PPP2R5E: variants seen among roughly 807,000 people sequenced by gnomAD.
The protein encoded by PPP2R5E is protein phosphatase 2 regulatory subunit B'epsilon, also known as serine/threonine-protein phosphatase 2A 56 kDa regulatory subunit epsilon isoform.
A neutral mutation model predicts 65.3 loss-of-function variants in PPP2R5E; 4 were observed. That is an observed-to-expected ratio of 0.06 (90% CI 0.03 to 0.14). The LOEUF is 0.14. Ranked by LOEUF, PPP2R5E falls within the 10% of genes least tolerant of loss-of-function variation. The pLI is 1.00. For missense variants in PPP2R5E, 274 were observed against 556.1 expected (o/e 0.49, Z 5.10); for synonymous variants, 183 against 187.4 (o/e 0.98, Z 0.19).
chr14:63,451,935 A>C (rs186734623), intron 3 of PPP2R5E: 1 of 152,338 alleles, frequency 6.6e-6, no homozygotes, highest in African/African-American at 2.4e-5. Context: ...GTCCTCATAC[A>C]AAGGCAAACT....
chr14:63,509,360 T>C (rs1202314467), intron 2 of PPP2R5E, among the ~76,000 whole-genome samples: 1 of 149,148 alleles, frequency 6.7e-6, no homozygotes, highest in Non-Finnish European at 1.5e-5. Context: ...CTGCAACTTC[T>C]GCCTCCAGGT....
chr14:63,472,687 G>C (rs1465244008), intron 2 of PPP2R5E, among the ~76,000 whole-genome samples: 1 of 152,234 alleles, frequency 6.6e-6, no homozygotes, highest in Non-Finnish European at 1.5e-5. Flanking sequence ...AGATATTTTA[G>C]ACAAGAACAG....
chr14:63,529,105 G>A (rs779131107), intron 2 of PPP2R5E, among the ~76,000 whole-genome samples: 16 of 152,072 alleles, frequency 1.1e-4, no homozygotes, highest in Non-Finnish European at 1.8e-4. Flanking sequence ...AGACACAGGT[G>A]CATGCTACCA....
chr14:63,420,165 G>A (rs183023866), intron 4 of PPP2R5E, among the ~76,000 whole-genome samples: 2 of 152,282 alleles, frequency 1.3e-5, no homozygotes, highest in East Asian at 3.9e-4. Context: ...TTCGAATACA[G>A]AGAAGACAAT....
intron 3 of PPP2R5E, 144 bp downstream of exon 3, chr14:63,453,545 T>A: frequency 1.5e-6 from 1 of 679,762 alleles, no homozygotes; most frequent in Non-Finnish European, 2.4e-6. Flanking sequence ...TCTAGCACTG[T>A]GCCGACTACA....
intron 2 of PPP2R5E, among the ~76,000 whole-genome samples, chr14:63,538,914 ACT>A (rs1233623913): frequency 6.6e-6 from 1 of 151,966 alleles, no homozygotes; most frequent in Non-Finnish European, 1.5e-5. Flanking sequence ...ACAGAGGGAG[ACT>A]CTATCTCAAA....
chr14:63,462,059 C>G lies in PPP2R5E; in HGVS notation c.158-8174G>C, dbSNP rs543875504. 1.3e-3 allele frequency among the ~76,000 whole-genome samples: 193 copies of G among 147,902 alleles called. 1 individual carries two copies. Among genetic ancestry groups the G allele is most frequent in the African/African-American group, 4.8e-3 (185 of 38,656 alleles). On this transcript the variant is annotated intron_variant, in intron 2 of 13. Transcript: ENST00000337537. Reference sequence around the variant, plus strand: ...CAGAATTCTAGCTGTAATGACAGTACCGATTTCAACTGTATTTTTTTTTTT... The same window carrying G: ...CAGAATTCTAGCTGTAATGACAGTAGCGATTTCAACTGTATTTTTTTTTTT...
intron 2 of PPP2R5E, among the ~76,000 whole-genome samples, chr14:63,527,015 C>A (rs1420444238): frequency 6.6e-6 from 1 of 152,150 alleles, no homozygotes; most frequent in Non-Finnish European, 1.5e-5. Flanking sequence ...ACTAAAAATA[C>A]AAAATTAGTC....
At chr14:63,433,399 T>C (rs549477919) in intron 3 of PPP2R5E, among the ~76,000 whole-genome samples, 6 of 152,094 alleles carry the variant, frequency 3.9e-5, no homozygotes, top group African/African-American at 7.2e-5. Context: ...GGCTTGCCTA[T>C]AGTGAGACTG....
At chr14:63,478,071 C>A (rs1009497728) in intron 2 of PPP2R5E, among the ~76,000 whole-genome samples, 3 of 152,116 alleles carry the variant, frequency 2.0e-5, no homozygotes, top group Non-Finnish European at 4.4e-5. Context: ...TGGTCACCTG[C>A]TTAAACTACA....
Position 63,453,755 on chromosome 14 carries a change from C to T in PPP2R5E, c.288G>A (p.Leu96=), listed in dbSNP as rs755270344. ...CTCTGCTTATTGTAATGTAGTCCAC[C>T]AGTTCATTAAGAGTGGAGCGCTTGT... is the stretch of plus-strand genomic sequence containing the variant. ...KEYKRSTLNE[L]VDYITISRGC... is the part of the protein sequence containing the mutation. The change falls in exon 3 of 14, where the codon CTG becomes CTA. Residue 96 remains leucine, a synonymous_variant. Transcript: ENST00000337537. 1.9e-6 allele frequency: 3 copies of T among 1,613,440 alleles called. No homozygotes were observed. Among genetic ancestry groups the T allele is most frequent in the Admixed American group, 1.7e-5 (1 of 59,812 alleles).
rs561150122 is a variant in PPP2R5E at position 63,413,767 on chromosome 14, C to T, written c.549+1373G>A. Among the ~76,000 whole-genome samples the T allele has an allele frequency of 1.4e-4, 21 of 152,298 alleles. No homozygotes were observed. In the South Asian group the frequency reaches 4.3e-3, roughly 32 times the overall value. The stretch of plus-strand genomic sequence containing the variant: ...CAATCCATACCAATTTACCTATTTA[C>T]CCCGTGATCCACGTATCCATCTATT... On this transcript the variant is annotated intron_variant, in intron 5 of 13. Transcript: ENST00000337537.
At chr14:63,542,421 G>C (rs904627732) in intron 1 of PPP2R5E, among the ~76,000 whole-genome samples, 1 of 151,990 alleles carries the variant, frequency 6.6e-6, no homozygotes. Context: ...TACTCCCTTT[G>C]CTCCTAACCC....
chr14:63,397,033 T>C (rs1256744040), intron 5 of PPP2R5E, among the ~76,000 whole-genome samples: 1 of 152,212 alleles, frequency 6.6e-6, no homozygotes, highest in African/African-American at 2.4e-5. Flanking sequence ...CCCAATGAGA[T>C]AGTTTTGTCC....
At chr14:63,388,780 C>T (rs1257460797) in intron 11 of PPP2R5E, among the ~76,000 whole-genome samples, 1 of 152,184 alleles carries the variant, frequency 6.6e-6, no homozygotes. Context: ...AAAAAGTCCG[C>T]CATCAAATGA....
intron 3 of PPP2R5E, among the ~76,000 whole-genome samples, chr14:63,429,073 G>A (rs1325614390): frequency 1.3e-4 from 20 of 152,110 alleles, no homozygotes; most frequent in Admixed American, 6.5e-5. Flanking sequence ...TGAATTTCCT[G>A]TAGTTATATT....
At chr14:63,463,983 A>G (rs759611142) in intron 2 of PPP2R5E, among the ~76,000 whole-genome samples, 1 of 152,224 alleles carries the variant, frequency 6.6e-6, no homozygotes. Flanking sequence ...ATGAGTATAC[A>G]ACATTAAGTA....
chr14:63,456,032 G>A (rs1358467410), intron 2 of PPP2R5E, among the ~76,000 whole-genome samples: 1 of 152,140 alleles, frequency 6.6e-6, no homozygotes, highest in African/African-American at 2.4e-5. Flanking sequence ...CTCCCAAAGT[G>A]TTGGGATTAC....
At chr14:63,473,816 A>ATTTAATT (rs1386163956) in intron 2 of PPP2R5E, among the ~76,000 whole-genome samples, 1 of 152,230 alleles carries the variant, frequency 6.6e-6, no homozygotes, top group Non-Finnish European at 1.5e-5. Flanking sequence ...TTTGACTTTA[A>ATTTAATT]CATTAAATTC....
Sources: allele counts gnomAD v4.1 joint callset (sites outside exome capture counted in the v4.1 genomes callset), GRCh38; gene constraint gnomAD v4.1.1; transcripts MANE v1.5; gene names NCBI Gene and HGNC (gene_info 2026-07-23, HGNC 2026-07-21).